KATNIP: variants seen among roughly 807,000 people sequenced by gnomAD.
The protein encoded by KATNIP is katanin interacting protein.
Under a neutral mutation model 174.0 loss-of-function variants are expected in KATNIP, and 126 were observed. The ratio of observed to expected loss-of-function variants is 0.72; its 90% CI spans 0.63 to 0.84. KATNIP has a LOEUF of 0.84. KATNIP is among the 40% of genes least tolerant of loss of function. KATNIP has a pLI of 0.00. For missense variants in KATNIP, 1,958 were observed against 2,109.7 expected (o/e 0.93, Z 1.41); for synonymous variants, 810 against 835.7 (o/e 0.97, Z 0.53).
chr16:27,665,126 GT>G lies in KATNIP; in HGVS notation c.541-12588del, dbSNP rs747868707. 1.6e-3 allele frequency among the ~76,000 whole-genome samples: 228 copies of G among 138,186 alleles called. 1 individual carries two copies. Among genetic ancestry groups the G allele is most frequent in the African/African-American group, 2.3e-3 (86 of 37,932 alleles). 90.7% of individuals were successfully genotyped at this position (138,186 alleles called of 152,430 possible). On this transcript the variant is annotated intron_variant, in intron 6 of 27. Coordinates refer to ENST00000261588, the MANE Select transcript of KATNIP (RefSeq NM_015202.5). ...GTTTCTGCTCTGTTCTCCGGAGGTT[GT>G]TTTTTTTTTTTTTTCTTGAGACAGG...
intron 2 of KATNIP, among the ~76,000 whole-genome samples, chr16:27,582,683 T>G (rs1365365141): frequency 2.0e-5 from 3 of 152,190 alleles, no homozygotes; most frequent in Non-Finnish European, 2.9e-5. Flanking sequence ...GGCAAGTGAC[T>G]TACCTTTTCG....
rs374877735 is a variant in KATNIP at position 27,752,294 on chromosome 16, G to A, written c.3552+370G>A. ...GAAGGACTAGGAATGCTTTTCATAG[G>A]CAGAGTTACAGTTAAAATAATGATC... On this transcript the variant is annotated intron_variant, in intron 17 of 27. Coordinates refer to ENST00000261588, the MANE Select transcript of KATNIP (RefSeq NM_015202.5). Among the ~76,000 whole-genome samples the A allele has an allele frequency of 3.7e-4, 56 of 152,180 alleles. No individual in the cohort carries two copies. The South Asian group carries it at 0.011, about 31-fold the overall frequency.
chr16:27,657,906 T>C (rs1016918771), intron 6 of KATNIP, among the ~76,000 whole-genome samples: 1 of 152,126 alleles, frequency 6.6e-6, no homozygotes, highest in East Asian at 1.9e-4. Flanking sequence ...CAAGACTCCA[T>C]CTTGGGAAAA....
intron 14 of KATNIP, among the ~76,000 whole-genome samples, chr16:27,732,223 C>T (rs1425807249): frequency 6.6e-6 from 1 of 152,196 alleles, no homozygotes; most frequent in East Asian, 1.9e-4. Context: ...CTGGGTGGGA[C>T]ACGGCATGGT....
At chr16:27,773,829 C>G (rs560909553) in intron 23 of KATNIP, among the ~76,000 whole-genome samples, 3 of 152,262 alleles carry the variant, frequency 2.0e-5, no homozygotes, top group Non-Finnish European at 2.9e-5. Context: ...CTTAGCCCCC[C>G]ACTCCTCCCA....
chr16:27,719,121 T>C (rs1029964710), intron 13 of KATNIP, among the ~76,000 whole-genome samples: 2 of 152,196 alleles, frequency 1.3e-5, no homozygotes, highest in African/African-American at 4.8e-5. Context: ...TGGGACTTGC[T>C]GCTGCTGCTC....
intron 14 of KATNIP, among the ~76,000 whole-genome samples, chr16:27,732,135 G>A (rs2080716818): frequency 6.6e-6 from 1 of 152,332 alleles, no homozygotes; most frequent in Non-Finnish European, 1.5e-5. Context: ...AGCTAAACGA[G>A]CATGGTTTCA....
rs373004370 is a variant in KATNIP at position 27,742,654 on chromosome 16, T to C, written c.2623+1734T>C. Among the ~76,000 whole-genome samples the C allele has an allele frequency of 2.6e-5, 4 of 152,228 alleles. No individual in the cohort carries two copies. In the East Asian group the frequency reaches 7.7e-4, roughly 29 times the overall value. On this transcript the variant is annotated intron_variant, in intron 15 of 27. Transcript: ENST00000261588. ...TTCCTCCTCTGTAAAATGACACTAA[T>C]AATACATGGGGTGCTGGGAGAATAA...
chr16:27,628,510 G>A, intron 3 of KATNIP, 151 bp from the exon 4 acceptor site: 1 of 788,036 alleles, frequency 1.3e-6, no homozygotes, highest in Non-Finnish European at 2.0e-6. Context: ...GCCTGTCAGA[G>A]GCTGTTTGTA....
chr16:27,613,898 A>G (rs866011276), intron 2 of KATNIP, among the ~76,000 whole-genome samples: 10 of 151,954 alleles, frequency 6.6e-5, no homozygotes, highest in Admixed American at 5.9e-4. Context: ...CAGGAAAGCT[A>G]GTTTGTTTTT....
rs146953107 is a variant in KATNIP, at chr16:27,758,365, T to A, written c.3632-3048T>A. 5.1e-4 allele frequency among the ~76,000 whole-genome samples: 77 copies of A among 152,282 alleles called. 1 individual carries two copies. The highest frequency in any genetic ancestry group is 1.8e-3 in the African/African-American group (74 of 41,552). On this transcript the variant is annotated intron_variant, in intron 18 of 27. Transcript: ENST00000261588. Reference sequence around the variant, plus strand: ...CTGGTAGTGCTATCTCTGAAACAGATCCTGTATCTGTCCCCTTCAACCCTA... The same window carrying A: ...CTGGTAGTGCTATCTCTGAAACAGAACCTGTATCTGTCCCCTTCAACCCTA...
At chr16:27,719,880 T>G (rs1216493505) in intron 13 of KATNIP, among the ~76,000 whole-genome samples, 4 of 149,910 alleles carry the variant, frequency 2.7e-5, no homozygotes, top group Non-Finnish European at 5.9e-5. Context: ...CTATATTACT[T>G]AGGCTGGTCT....
chr16:27,552,990 G>A (rs1454417168), intron 1 of KATNIP, among the ~76,000 whole-genome samples: 1 of 152,226 alleles, frequency 6.6e-6, no homozygotes, highest in East Asian at 1.9e-4. Flanking sequence ...AACCATGCCA[G>A]GCCACAAGTG....
intron 2 of KATNIP, among the ~76,000 whole-genome samples, chr16:27,607,518 C>G (rs2075746267): frequency 6.6e-6 from 1 of 151,848 alleles, no homozygotes; most frequent in South Asian, 2.1e-4. Context: ...TTAGGGTGTG[C>G]AGCCTATAGG....
At chr16:27,605,967 T>C (rs192826283) in intron 2 of KATNIP, among the ~76,000 whole-genome samples, 54 of 152,088 alleles carry the variant, frequency 3.6e-4, no homozygotes, top group African/African-American at 1.2e-3. Context: ...CTGTCTCTAT[T>C]AAAAATACAA....
At chr16:27,572,669 T>A (rs900853179) in intron 1 of KATNIP, among the ~76,000 whole-genome samples, 2 of 152,160 alleles carry the variant, frequency 1.3e-5, no homozygotes, top group African/African-American at 4.8e-5. Context: ...GGATTATGTA[T>A]AATCATGGCT....
chr16:27,595,894 A>C (rs1260547560), intron 2 of KATNIP, among the ~76,000 whole-genome samples: 2 of 152,164 alleles, frequency 1.3e-5, no homozygotes, highest in Non-Finnish European at 2.9e-5. Context: ...GGAAAGGAGC[A>C]TTTCTGCAGA....
At chr16:27,705,753 T>C (rs1004846617) in intron 12 of KATNIP, among the ~76,000 whole-genome samples, 4 of 152,152 alleles carry the variant, frequency 2.6e-5, no homozygotes, top group African/African-American at 9.7e-5. Context: ...CACAGCTCAC[T>C]GCAGCCTTGA....
chr16:27,649,315 T>C (rs573830996), intron 6 of KATNIP, among the ~76,000 whole-genome samples: 12 of 152,370 alleles, frequency 7.9e-5, no homozygotes, highest in African/African-American at 2.9e-4. Context: ...CAGGACATTT[T>C]ACTCCCCATC....
Sources: allele counts gnomAD v4.1 joint callset (sites outside exome capture counted in the v4.1 genomes callset), GRCh38; gene constraint gnomAD v4.1.1; transcripts MANE v1.5; gene names NCBI Gene and HGNC (gene_info 2026-07-23, HGNC 2026-07-21).